Variants in PLAGL1 observed in about 807,000 individuals in gnomAD.
The protein encoded by PLAGL1 is zinc finger protein PLAGL1.
In PLAGL1, 1 loss-of-function variant was observed where a neutral mutation model predicts 4.6. That is an observed-to-expected ratio of 0.22 (90% CI 0.08 to 1.03). The LOEUF (loss-of-function observed/expected upper bound fraction) is 1.03. PLAGL1 is among the 50% of genes least tolerant of loss of function. The pLI is 0.58. For missense variants in PLAGL1, 464 were observed against 570.4 expected (o/e 0.81, Z 1.90); for synonymous variants, 240 against 237.8 (o/e 1.01, Z -0.08).
At chr6:144,035,108 T>C (rs1797122877) in intron 1 of PLAGL1, among the ~76,000 whole-genome samples, 1 of 152,072 alleles carries the variant, frequency 6.6e-6, no homozygotes. Flanking sequence ...GGGTTGGGGG[T>C]ATATTAGGGT....
chr6:143,943,033 T>TTTTTTTTTTTTTTTTTTTTTTTTTTTTC (rs1778994500), intron 7 of PLAGL1, among the ~76,000 whole-genome samples: 1 of 133,874 alleles, frequency 7.5e-6, no homozygotes, highest in Non-Finnish European at 1.6e-5. Flanking sequence ...CCTGGCTAAT[T>TTTTTTTTTTTTTTTTTTTTTTTTTTTTC]TTTTTTTTTT....
chr6:143,996,266 G>A (rs1791586751), intron 1 of PLAGL1, among the ~76,000 whole-genome samples: 1 of 152,174 alleles, frequency 6.6e-6, no homozygotes, highest in African/African-American at 2.4e-5. Context: ...TCCTATCACA[G>A]AGCTGCGATG....
intron 1 of PLAGL1, among the ~76,000 whole-genome samples, chr6:144,028,203 A>C (rs954312754): frequency 6.6e-6 from 1 of 152,244 alleles, no homozygotes; most frequent in African/African-American, 2.4e-5. Context: ...GTCTAAAATT[A>C]ACTATTACTC....
At chr6:143,996,569 T>G (rs1791655448) in intron 1 of PLAGL1, among the ~76,000 whole-genome samples, 1 of 152,032 alleles carries the variant, frequency 6.6e-6, no homozygotes, top group Non-Finnish European at 1.5e-5. Flanking sequence ...ATGTGCAAAT[T>G]CTGGGAATTG....
Position 143,958,747 on chromosome 6 carries a change from C to G in PLAGL1, c.-325+1722G>C, listed in dbSNP as rs1782715208. Among the ~76,000 whole-genome samples, 1 of 152,140 alleles carries G rather than the reference C, an allele frequency of 6.6e-6. No individual in the cohort carries two copies. The highest frequency in any genetic ancestry group is 2.4e-5 in the African/African-American group (1 of 41,416). On this transcript the variant is annotated intron_variant, in intron 6 of 7. Transcript: ENST00000674357. The surrounding 1 kb of genome is among the most constrained non-coding windows in gnomAD (Gnocchi z 5.1). ...CTTTTTAAACTGATTAACATTTCAT[C>G]AGGTTTCCATTTTAAAAGAAAATGG... is the stretch of plus-strand genomic sequence containing the variant.
chr6:144,008,716 A>G (rs1794881039), upstream of PLAGL1: 1 of 152,292 alleles, frequency 6.6e-6, no homozygotes, highest in Non-Finnish European at 1.5e-5. This position sits in a 1 kb window ranked among gnomAD's most constrained non-coding sequence, Gnocchi z 6.9. Flanking sequence ...GGACGCTGCA[A>G]TAGGCCAAAC....
Position 144,027,745 on chromosome 6 carries a change from G to T in PLAGL1, c.-151+36723C>A, listed in dbSNP as rs181257050. On this transcript the variant is annotated intron_variant, in intron 1 of 3. Transcript: ENST00000437412. The surrounding 1 kb of genome is among the most constrained non-coding windows in gnomAD (Gnocchi z 5.8). ...AAGTCTCTTTAGTGGGAAACACTTC[G>T]CTCTGTCAGGGAAATGTTAATCATA... 2.6e-5 allele frequency among the ~76,000 whole-genome samples: 4 copies of T among 151,992 alleles called. No individual in the cohort carries two copies. Among genetic ancestry groups the T allele is most frequent in the African/African-American group, 4.8e-5 (2 of 41,314 alleles).
chr6:144,052,018 A>G (rs1798617357), intron 1 of PLAGL1, among the ~76,000 whole-genome samples: 2 of 152,232 alleles, frequency 1.3e-5, no homozygotes, highest in African/African-American at 4.8e-5. Context: ...ATGCACTGTG[A>G]GATTTATTTT....
rs1416861541 is a variant in PLAGL1, at chr6:144,016,915, TG to T, written c.-151+47552del. ...GAGCTTTTTCATTAGCACTCTCTTG[TG>T]CATTATCAGTCTGTTTTCTAACCTG... On this transcript the variant is annotated intron_variant, in intron 1 of 3. Coordinates refer to the PLAGL1 transcript ENST00000437412. This position sits in a 1 kb window ranked among gnomAD's most constrained non-coding sequence, Gnocchi z 4.2. 6.6e-6 allele frequency among the ~76,000 whole-genome samples: 1 copy of T among 152,206 alleles called. No individual in the cohort carries two copies. The highest frequency in any genetic ancestry group is 1.5e-5 in the Non-Finnish European group (1 of 68,034).
At chr6:143,987,437 C>CTTTTTGT (rs1789458378) in intron 1 of PLAGL1, among the ~76,000 whole-genome samples, 1 of 73,940 alleles carries the variant, frequency 1.4e-5, no homozygotes, top group Non-Finnish European at 2.4e-5. Context: ...ACCACACTGG[C>CTTTTTGT]TTTTTTTTTT....
intron 1 of PLAGL1, among the ~76,000 whole-genome samples, chr6:144,040,626 C>T (rs1264936176): frequency 6.6e-6 from 1 of 152,168 alleles, no homozygotes; most frequent in African/African-American, 2.4e-5. Context: ...CCTGTAATCC[C>T]AGCACTTTGG....
Position 143,959,752 on chromosome 6 carries a change from G to A in PLAGL1, c.-325+717C>T, listed in dbSNP as rs1343831943. Among the ~76,000 whole-genome samples the A allele has an allele frequency of 6.6e-6, 1 of 152,184 alleles. No homozygotes were observed. The highest frequency in any genetic ancestry group is 2.4e-5 in the African/African-American group (1 of 41,456). On this transcript the variant is annotated intron_variant, in intron 6 of 7. Coordinates refer to ENST00000674357, the MANE Select transcript of PLAGL1 (RefSeq NM_001317162.2). The surrounding 1 kb of genome is among the most constrained non-coding windows in gnomAD (Gnocchi z 5.3). ...AGCATGGACTAATGACATACTGCAAGTAATACACTGTCCTAAGCAAAACGC... is the reference window on the plus strand; with the variant it reads ...AGCATGGACTAATGACATACTGCAAATAATACACTGTCCTAAGCAAAACGC...
rs898396620 is a variant in PLAGL1, at chr6:143,964,335, C to T, written c.-399+452G>A. On this transcript the variant is annotated intron_variant, in intron 5 of 7. Transcript: ENST00000674357. This position sits in a 1 kb window ranked among gnomAD's most constrained non-coding sequence, Gnocchi z 4.3. ...AGGTCAGAGGTGGGTTCCTCATCTT[C>T]CAGAGGCCATGAAAATCTCCAGGTC... Among the ~76,000 whole-genome samples, 5 of 152,132 alleles carry T rather than the reference C, an allele frequency of 3.3e-5. No homozygotes were observed. The East Asian group carries it at 7.7e-4, about 23-fold the overall frequency.
rs754047276 is a variant in PLAGL1, at chr6:143,996,843, A to G, written c.-584+11247T>C. On this transcript the variant is annotated intron_variant, in intron 1 of 7. Coordinates refer to ENST00000674357, the MANE Select transcript of PLAGL1 (RefSeq NM_001317162.2). ...GCAATTAAATCTCGATCCTGAAAAA[A>G]ATTAACCTTGACCCTTATCTCACAT... is the stretch of plus-strand genomic sequence containing the variant. Among the ~76,000 whole-genome samples, 169 of 152,294 alleles carry G rather than the reference A, an allele frequency of 1.1e-3. 1 individual carries two copies. The highest frequency in any genetic ancestry group is 2.1e-3 in the Non-Finnish European group (146 of 68,014).
At chr6:144,058,424 T>G (rs1180264133) in intron 1 of PLAGL1, among the ~76,000 whole-genome samples, 1 of 152,126 alleles carries the variant, frequency 6.6e-6, no homozygotes, top group Non-Finnish European at 1.5e-5. Flanking sequence ...GGACGAATTT[T>G]CAAACCACAT....
chr6:143,998,339 T>C (rs754050047), intron 1 of PLAGL1, among the ~76,000 whole-genome samples: 9 of 152,246 alleles, frequency 5.9e-5, no homozygotes, highest in Non-Finnish European at 8.8e-5. Flanking sequence ...TAATTATTTC[T>C]TCATTTTTAG....
In PLAGL1 at chr6:143,959,501, T is replaced by C. The variant is rs1782893724; in HGVS notation, c.-325+968A>G. Among the ~76,000 whole-genome samples, 1 of 152,106 alleles carries C rather than the reference T, an allele frequency of 6.6e-6. No individual in the cohort carries two copies. The highest frequency in any genetic ancestry group is 1.5e-5 in the Non-Finnish European group (1 of 68,004). ...GATATGTTGGCCCTGTTGGGATTAA[T>C]TTCAATTTCTTGGTCAATAAATCCA... On this transcript the variant is annotated intron_variant, in intron 6 of 7. Coordinates refer to ENST00000674357, the MANE Select transcript of PLAGL1 (RefSeq NM_001317162.2). The surrounding 1 kb of genome is among the most constrained non-coding windows in gnomAD (Gnocchi z 5.3).
chr6:144,056,266 C>T lies in PLAGL1; in HGVS notation c.-151+8202G>A, dbSNP rs1798957710. On this transcript the variant is annotated intron_variant, in intron 1 of 3. Coordinates refer to the PLAGL1 transcript ENST00000437412. This position sits in a 1 kb window ranked among gnomAD's most constrained non-coding sequence, Gnocchi z 4.7. Reference sequence around the variant, plus strand: ...CCCATCCCCCACACACGCACAGCCTCCCCTATTACCGGCATCCCCACCAGG... The same window carrying T: ...CCCATCCCCCACACACGCACAGCCTTCCCTATTACCGGCATCCCCACCAGG... Among the ~76,000 whole-genome samples, 1 of 152,180 alleles carries T rather than the reference C, an allele frequency of 6.6e-6. No individual in the cohort carries two copies. The highest frequency in any genetic ancestry group is 1.5e-5 in the Non-Finnish European group (1 of 68,028).
At position 144,034,603 on chromosome 6, in the gene PLAGL1, A is replaced by G. The variant is rs6930286; in HGVS notation, c.-151+29865T>C. Among the ~76,000 whole-genome samples the G allele has an allele frequency of 0.17, 26,602 of 152,226 alleles. 3,034 individuals carry two copies. The highest frequency in any genetic ancestry group is 0.31 in the African/African-American group (12,723 of 41,512). On this transcript the variant is annotated intron_variant, in intron 1 of 3. Coordinates refer to the PLAGL1 transcript ENST00000437412. This position sits in a 1 kb window ranked among gnomAD's most constrained non-coding sequence, Gnocchi z 4.7. ...GCAAAGAAAAGTGGGAGGCCCCGAC[A>G]AATTGTCATTATGCAATAATGAACC... is the stretch of plus-strand genomic sequence containing the variant.
Sources: gnomAD v4.1 joint callset for allele counts (sites outside exome capture counted in the v4.1 genomes callset) on GRCh38, gnomAD v4.1.1 for gene constraint, Gnocchi (gnomAD v3.1) non-coding constraint, MANE v1.5 for transcripts, NCBI Gene and HGNC (gene_info 2026-07-23, HGNC 2026-07-21) for gene names.